The following PLCE1 variants were observed in gnomAD, a reference collection of about 807,000 sequenced individuals.
PLCE1 encodes the protein phospholipase C epsilon 1.
A neutral mutation model predicts 242.8 loss-of-function variants in PLCE1; 119 were observed. That is an observed-to-expected ratio of 0.49 (90% CI 0.42 to 0.57). PLCE1 has a LOEUF of 0.57. Among genes scored for constraint, PLCE1 ranks in the 20% least tolerant of loss-of-function variants. The pLI, the probability that PLCE1 is intolerant of heterozygous loss-of-function variation, is 0.00. For synonymous variants in PLCE1, 945 were observed against 1,017.4 expected (o/e 0.93, Z 1.35); for missense variants, 2,441 against 2,788.8 (o/e 0.88, Z 2.81).
intron 2 of PLCE1, among the ~76,000 whole-genome samples, chr10:94,111,384 A>C (rs2045950253): frequency 6.6e-6 from 1 of 152,206 alleles, no homozygotes; most frequent in African/African-American, 2.4e-5. Context: ...GGTGGAAGCC[A>C]AATTCCCAGC....
At chr10:94,111,856 G>A (rs1222392996) in intron 2 of PLCE1, among the ~76,000 whole-genome samples, 2 of 152,182 alleles carry the variant, frequency 1.3e-5, no homozygotes, top group South Asian at 2.1e-4. Flanking sequence ...TATTTTAAAT[G>A]TTTGTAGTGC....
Position 94,330,723 on chromosome 10 carries a change from C to G in PLCE1, c.*2780C>G, listed in dbSNP as rs1202974475. 6.6e-6 allele frequency: 1 copy of G among 151,140 alleles called. No individual in the cohort carries two copies. The highest frequency in any genetic ancestry group is 1.5e-5 in the Non-Finnish European group (1 of 67,874). 9.4% of individuals were successfully genotyped at this position (151,140 alleles called of 1,614,324 possible). A position where few individuals can be genotyped will look rare whatever the true frequency, so the allele number is the denominator to read the frequency against. ...AAAAAAAAAAAGTAAAGAGTCTAGT[C>G]TACTATTATACACAAATGGCCAGCA... On this transcript the variant is annotated 3_prime_UTR_variant, in exon 33 of 33. Transcript: ENST00000371380.
chr10:94,251,604 AT>A (rs529642023), intron 8 of PLCE1, among the ~76,000 whole-genome samples: 3 of 152,194 alleles, frequency 2.0e-5, no homozygotes, highest in African/African-American at 4.8e-5. Context: ...CAATTGTTTA[AT>A]TAATAGATCC....
At chr10:94,063,590 C>A (rs1242776607) in intron 2 of PLCE1, among the ~76,000 whole-genome samples, 1 of 152,152 alleles carries the variant, frequency 6.6e-6, no homozygotes, top group East Asian at 1.9e-4. Flanking sequence ...TTTATTGATT[C>A]ACTGAATAGA....
rs2051689215 is a variant in PLCE1, at chr10:94,270,514, C to A, written c.4418C>A (p.Ala1473Asp). Residue 1473 changes from alanine to aspartate, a missense_variant, in exon 18 of 33, where the codon GCC (alanine) becomes GAC (aspartate). Physicochemically the swap from Ala to Asp is moderately radical, Grantham distance 126 (BLOSUM62 -2). Around this residue, in one of 5 missense-constraint regions of PLCE1, gnomAD observed 1,004 missense variants for 1,322.7 expected, o/e 0.76. Transcript: ENST00000371380. ...GTGGTTGAAGCCATTGATCGCAGTG[C>A]CTTCATCAACTCTGACCTGCCAATC... The part of the protein sequence containing the change: ...KEVVEAIDRS[A>D]FINSDLPIII... The A allele has an allele frequency of 6.2e-7, 1 of 1,613,132 alleles. No homozygotes were observed. The highest frequency in any genetic ancestry group is 8.5e-7 in the Non-Finnish European group (1 of 1,179,276).
intron 26 of PLCE1, among the ~76,000 whole-genome samples, chr10:94,308,020 A>G (rs2053263789): frequency 6.6e-6 from 1 of 152,234 alleles, no homozygotes; most frequent in Non-Finnish European, 1.5e-5. Flanking sequence ...GCATACAGAT[A>G]TATTTTTAAC....
At chr10:94,310,108 G>A (rs1024696926) in intron 27 of PLCE1, among the ~76,000 whole-genome samples, 2 of 152,318 alleles carry the variant, frequency 1.3e-5, no homozygotes, top group Non-Finnish European at 2.9e-5. Flanking sequence ...TTTTAAAAGT[G>A]TATCCATTGG....
chr10:94,115,609 AG>A (rs1244959485), intron 2 of PLCE1, among the ~76,000 whole-genome samples: 1 of 151,822 alleles, frequency 6.6e-6, no homozygotes, highest in Non-Finnish European at 1.5e-5. Flanking sequence ...CTTGTTGATG[AG>A]GTTGTTTTTT....
rs2050314589 is a variant in PLCE1, at chr10:94,236,079, C to G, written c.2379C>G (p.Asn793Lys). Reference sequence around the variant, plus strand: ...AGGAGGACAGCCCCAGTGAAGGAAACAGCTCCAGGAAAAGCTCCTTGAAGG... The same window carrying G: ...AGGAGGACAGCCCCAGTGAAGGAAAGAGCTCCAGGAAAAGCTCCTTGAAGG... The part of the protein sequence containing the change: ...TDEEDSPSEG[N>K]SSRKSSLKDK... The change falls in exon 7 of 33, where the codon AAC becomes AAG. Residue 793 changes from asparagine to lysine, a missense_variant. Transcript: ENST00000371380. 6.2e-7 allele frequency: 1 copy of G among 1,613,980 alleles called. No homozygotes were observed. Among genetic ancestry groups the G allele is most frequent in the Middle Eastern group, 1.7e-4 (1 of 6,060 alleles).
At chr10:94,000,759 T>C (rs2060916031) in intron 1 of PLCE1, among the ~76,000 whole-genome samples, 1 of 152,210 alleles carries the variant, frequency 6.6e-6, no homozygotes, top group Non-Finnish European at 1.5e-5. Context: ...CATAGGTGAC[T>C]TCATATACAG....
chr10:94,153,509 A>G (rs1564737215), intron 3 of PLCE1, among the ~76,000 whole-genome samples: 2 of 152,304 alleles, frequency 1.3e-5, no homozygotes, highest in Non-Finnish European at 1.5e-5. Flanking sequence ...AAGATCAAGA[A>G]CCAAAAAAGA....
At chr10:94,048,622 T>C (rs1196775327) in intron 2 of PLCE1, among the ~76,000 whole-genome samples, 3 of 149,974 alleles carry the variant, frequency 2.0e-5, no homozygotes. Flanking sequence ...TTGTGCTTCT[T>C]TATTGATTTG....
At chr10:94,063,785 G>T (rs2044126099) in intron 2 of PLCE1, among the ~76,000 whole-genome samples, 1 of 152,224 alleles carries the variant, frequency 6.6e-6, no homozygotes. Context: ...TACGGGCGAT[G>T]AGGGTAGCCA....
chr10:94,268,974 G>A lies in PLCE1; in HGVS notation c.4327G>A (p.Gly1443Arg), dbSNP rs1183306182. The A allele has an allele frequency of 3.7e-6, 6 of 1,612,922 alleles. No homozygotes were observed. Among genetic ancestry groups the A allele is most frequent in the East Asian group, 2.2e-5 (1 of 44,866 alleles). The change falls in exon 17 of 33, where the codon GGA becomes AGA. Residue 1443 changes from glycine to arginine, a missense_variant. Physicochemically the swap from Gly to Arg is moderately radical, Grantham distance 125 (BLOSUM62 -2). This residue lies in a region of PLCE1 where 1,004 missense variants were observed against 1,322.7 expected (regional missense o/e 0.76). Transcript: ENST00000371380. Reference protein sequence around the residue: ...CRSVELDCWDGDDGMPIIYHG... With the variant: ...CRSVELDCWDRDDGMPIIYHG... ...AAGTGTAGAATTGGACTGCTGGGAC[G>A]GAGACGATGGGATGCCCATCATTTA... is the stretch of plus-strand genomic sequence containing the variant.
intron 11 of PLCE1, among the ~76,000 whole-genome samples, chr10:94,257,498 T>C (rs1489949073): frequency 6.6e-6 from 1 of 152,102 alleles, no homozygotes; most frequent in Non-Finnish European, 1.5e-5. Context: ...CTATTCACAA[T>C]AGCAAAGACT....
chr10:94,255,906 ACACACACACTCTCTCT>A (rs1426825683), intron 11 of PLCE1, among the ~76,000 whole-genome samples: 1 of 98,520 alleles, frequency 1.0e-5, no homozygotes, highest in African/African-American at 4.1e-5. Context: ...ACACACACAC[ACACACACACTCTCTCT>A]CTCTCTCTCT....
intron 2 of PLCE1, chr10:94,106,131 G>A (rs1564693254): frequency 6.6e-6 from 1 of 152,092 alleles, no homozygotes; most frequent in Admixed American, 6.5e-5. Flanking sequence ...TTTCCTATTG[G>A]TTTATTTTTA....
intron 1 of PLCE1, among the ~76,000 whole-genome samples, chr10:93,994,706 C>T (rs2060786821): frequency 6.6e-6 from 1 of 152,232 alleles, no homozygotes; most frequent in African/African-American, 2.4e-5. Flanking sequence ...GCTTTGCCTT[C>T]AAGTCCTTTA....
At chr10:94,202,921 T>G (rs1306441703) in intron 4 of PLCE1, among the ~76,000 whole-genome samples, 1 of 152,214 alleles carries the variant, frequency 6.6e-6, no homozygotes. Flanking sequence ...GATTCTTTCC[T>G]GGTTGGTTAT....
Sources: gnomAD v4.1 joint callset for allele counts (sites outside exome capture counted in the v4.1 genomes callset) on GRCh38, gnomAD v4.1.1 for gene constraint, gnomAD v4.1.1 regional missense constraint, MANE v1.5 for transcripts, NCBI Gene and HGNC (gene_info 2026-07-23, HGNC 2026-07-21) for gene names.